AFG2A: variants seen among roughly 807,000 people sequenced by gnomAD.
AFG2A encodes the protein ATPase family gene 2 protein homolog A.
At chr4:123,124,265 T>C in the AFG2A span, among the ~76,000 whole-genome samples, 2 of 152,100 alleles carry the variant, frequency 1.3e-5, no homozygotes, top group Non-Finnish European at 2.9e-5. Flanking sequence ...TAGACTGGAT[T>C]AAGAAAATGT....
chr4:122,957,286 G>C, the AFG2A span, among the ~76,000 whole-genome samples: 1 of 152,154 alleles, frequency 6.6e-6, no homozygotes, highest in Non-Finnish European at 1.5e-5. Context: ...GGTGTTCTTA[G>C]AAACAGTGCT....
At chr4:123,061,726 C>G in the AFG2A span, among the ~76,000 whole-genome samples, 4 of 152,152 alleles carry the variant, frequency 2.6e-5, no homozygotes, top group African/African-American at 9.7e-5. Flanking sequence ...GAATACTTAC[C>G]AGTCTTTTTG....
chr4:122,982,041 A>G, the AFG2A span, among the ~76,000 whole-genome samples: 1 of 152,026 alleles, frequency 6.6e-6, no homozygotes, highest in East Asian at 1.9e-4. Flanking sequence ...GTACTATATT[A>G]AATAGAAGTT....
At chr4:123,153,514 T>C in the AFG2A span, among the ~76,000 whole-genome samples, 1 of 152,118 alleles carries the variant, frequency 6.6e-6, no homozygotes, top group South Asian at 2.1e-4. Flanking sequence ...TGTGCAGATT[T>C]GTTACATAGG....
chr4:123,267,890 G>T, the AFG2A span, among the ~76,000 whole-genome samples: 1 of 151,960 alleles, frequency 6.6e-6, no homozygotes, highest in African/African-American at 2.4e-5. Context: ...GGTATTTGAA[G>T]AATCAGTTGA....
the AFG2A span, among the ~76,000 whole-genome samples, chr4:123,038,558 A>G: frequency 6.6e-6 from 1 of 152,088 alleles, no homozygotes; most frequent in Non-Finnish European, 1.5e-5. Context: ...CTCCCTTGGT[A>G]ATGAAATTGC....
the AFG2A span, among the ~76,000 whole-genome samples, chr4:123,177,961 C>T: frequency 2.0e-5 from 3 of 152,090 alleles, no homozygotes; most frequent in Admixed American, 6.6e-5. Context: ...CATTATTTTG[C>T]GTAATTTATG....
the AFG2A span, among the ~76,000 whole-genome samples, chr4:122,984,076 C>A: frequency 8.5e-5 from 13 of 152,186 alleles, no homozygotes; most frequent in African/African-American, 3.1e-4. Flanking sequence ...CAAGGCTCTT[C>A]AACACCCCTC....
chr4:123,120,442 T>A, the AFG2A span, among the ~76,000 whole-genome samples: 1 of 152,218 alleles, frequency 6.6e-6, no homozygotes, highest in Non-Finnish European at 1.5e-5. Flanking sequence ...AATTAGTTAA[T>A]ATTAGTTACC....
the AFG2A span, among the ~76,000 whole-genome samples, chr4:123,170,664 G>C: frequency 1.3e-5 from 2 of 152,136 alleles, no homozygotes; most frequent in African/African-American, 4.8e-5. Flanking sequence ...TTTTTGATTG[G>C]TGACATCGTA....
At chr4:123,030,366 A>G in the AFG2A span, among the ~76,000 whole-genome samples, 1 of 152,346 alleles carries the variant, frequency 6.6e-6, no homozygotes, top group African/African-American at 2.4e-5. Flanking sequence ...TTGAACATAA[A>G]CATTTCATAA....
chr4:123,003,630 A>G, the AFG2A span, among the ~76,000 whole-genome samples: 1 of 152,060 alleles, frequency 6.6e-6, no homozygotes, highest in East Asian at 1.9e-4. Context: ...CATTTTCATG[A>G]TCTGCAAATG....
chr4:123,190,698 GT>G, the AFG2A span, among the ~76,000 whole-genome samples: 1 of 152,150 alleles, frequency 6.6e-6, no homozygotes, highest in South Asian at 2.1e-4. Context: ...TATGGGGTAG[GT>G]TTATCAGAAT....
the AFG2A span, among the ~76,000 whole-genome samples, chr4:123,136,709 G>A: frequency 6.6e-6 from 1 of 151,432 alleles, no homozygotes; most frequent in Admixed American, 6.6e-5. Flanking sequence ...GGGCGTGGTG[G>A]CACATTCCTG....
the AFG2A span, among the ~76,000 whole-genome samples, chr4:123,027,813 GTATAAGAAATTAGA>G: frequency 6.6e-6 from 1 of 152,112 alleles, no homozygotes; most frequent in Non-Finnish European, 1.5e-5. Context: ...TAAAAAACAG[GTATAAGAAATTAGA>G]TATATAGATG....
At chr4:123,119,268 C>T in the AFG2A span, among the ~76,000 whole-genome samples, 4 of 151,902 alleles carry the variant, frequency 2.6e-5, no homozygotes, top group African/African-American at 7.3e-5. Context: ...AGTGTCTCAA[C>T]GTATTAAGTG....
chr4:123,072,414 T>C, the AFG2A span, among the ~76,000 whole-genome samples: 5 of 152,200 alleles, frequency 3.3e-5, no homozygotes, highest in African/African-American at 9.6e-5. Context: ...ACAGGTAAAC[T>C]TCCTGGTGTA....
chr4:123,307,459 G>A, the AFG2A span, among the ~76,000 whole-genome samples: 1 of 152,116 alleles, frequency 6.6e-6, no homozygotes, highest in Non-Finnish European at 1.5e-5. Context: ...TAATGAGAAA[G>A]GTCCTAGTTT....
the AFG2A span, among the ~76,000 whole-genome samples, chr4:123,221,929 A>C: frequency 2.7e-5 from 4 of 146,996 alleles, no homozygotes; most frequent in Non-Finnish European, 4.5e-5. Flanking sequence ...ACTCCATCTC[A>C]AAAAAAAAAA....
Sources: allele counts gnomAD v4.1 joint callset (sites outside exome capture counted in the v4.1 genomes callset), GRCh38; gene constraint gnomAD v4.1.1; transcripts MANE v1.5; gene names NCBI Gene and HGNC (gene_info 2026-07-23, HGNC 2026-07-21).